NOD2: variants seen among roughly 807,000 people sequenced by gnomAD.
NOD2 encodes nucleotide-binding oligomerization domain-containing protein 2.
NOD2 carries 86 observed loss-of-function variants against 90.9 expected under a neutral mutation model. That is an observed-to-expected ratio of 0.95 (90% CI 0.79 to 1.13). The LOEUF is 1.13. Ranked by LOEUF, NOD2 falls within the 50% of genes most tolerant of loss-of-function variation. The probability of loss-of-function intolerance (pLI) is 0.00; values close to 1 mark genes in which losing one functional copy is unlikely to be tolerated. For missense variants in NOD2, 1,238 were observed against 1,283.8 expected, an observed-to-expected ratio of 0.96 and a Z score of 0.55; for synonymous variants, 581 against 554.6, an observed-to-expected ratio of 1.05 and a Z score of -0.67.
intron 10 of NOD2, chr16:50,727,806 G>A (rs759251250): frequency 1.7e-5 from 6 of 354,134 alleles, no homozygotes; most frequent in Non-Finnish European, 3.4e-5. Context: ...TTGACTTGCC[G>A]AGCATACTTC....
intron 2 of NOD2, among the ~76,000 whole-genome samples, chr16:50,702,349 G>A (rs1367872079): frequency 6.6e-6 from 1 of 152,248 alleles, no homozygotes; most frequent in East Asian, 1.9e-4. Context: ...GGAGACAACA[G>A]ATCTGAGGAG....
intron 1 of NOD2, among the ~76,000 whole-genome samples, chr16:50,698,914 TC>T: frequency 6.6e-6 from 1 of 150,628 alleles, no homozygotes; most frequent in African/African-American, 2.4e-5. Context: ...GGAAGATCTC[TC>T]TCTCTCTCTC....
intron 10 of NOD2, chr16:50,729,115 C>T (rs974074005): frequency 6.5e-6 from 1 of 152,904 alleles, no homozygotes; most frequent in African/African-American, 2.4e-5. Flanking sequence ...GGAAACTCCC[C>T]TTTTTAAAAC....
rs749180535 is a variant in NOD2 at position 50,710,781 on chromosome 16, C to T, written c.789C>T (p.Asp263=). The part of the protein sequence containing the change: ...ELFSTPGHLN[D]DADTVLVVGE... ...TCAGCACCCCTGGCCACCTCAATGA[C>T]GATGCGGACACTGTGCTGGTGGTGG... The change falls in exon 4 of 12, where the codon GAC becomes GAT. Residue 263 remains aspartate, a synonymous_variant. Transcript: ENST00000647318. The T allele has an allele frequency of 4.0e-5, 65 of 1,614,002 alleles. No homozygotes were observed. The highest frequency in any genetic ancestry group is 8.0e-5 in the African/African-American group (6 of 74,916).
At chr16:50,700,670 T>C (rs1160673228) in intron 2 of NOD2, among the ~76,000 whole-genome samples, 1 of 152,252 alleles carries the variant, frequency 6.6e-6, no homozygotes, top group African/African-American at 2.4e-5. Flanking sequence ...GGATAGTGTC[T>C]ATTACCACTG....
At position 50,710,835 on chromosome 16, in the gene NOD2, C is replaced by T; in HGVS notation, c.843C>T (p.Leu281=). 1 of 1,614,084 alleles carries T rather than the reference C, an allele frequency of 6.2e-7. No individual in the cohort carries two copies. The highest frequency in any genetic ancestry group is 1.1e-5 in the South Asian group (1 of 91,086). Reference sequence around the variant, plus strand: ...AGGCGGGCAGTGGCAAGAGCACGCTCCTGCAGCGGCTGCACTTGCTGTGGG... The same window carrying T: ...AGGCGGGCAGTGGCAAGAGCACGCTTCTGCAGCGGCTGCACTTGCTGTGGG... The part of the protein sequence containing the change: ...VGEAGSGKST[L]LQRLHLLWAA... Residue 281 remains leucine, a synonymous_variant, in exon 4 of 12, where the codon CTC becomes CTT. Coordinates refer to ENST00000647318, the MANE Select transcript of NOD2 (RefSeq NM_001370466.1).
rs759649933 is a variant in NOD2 at position 50,716,617 on chromosome 16, C to T, written c.2412C>T (p.Gly804=). The part of the protein sequence containing the change: ...YLRDNNISDR[G]ICKLIECALH... ...GCGATAACAATATCTCAGACCGAGG[C>T]ATCTGCAAGCTCATTGAATGTGCTC... The change falls in exon 5 of 12, where the codon GGC becomes GGT. Residue 804 remains glycine, a synonymous_variant. Transcript: ENST00000647318. 2.5e-6 allele frequency: 4 copies of T among 1,614,172 alleles called. No individual in the cohort carries two copies. In the South Asian group the frequency reaches 3.3e-5, roughly 13 times the overall value.
chr16:50,709,669 C>G (rs1964370202), intron 3 of NOD2, among the ~76,000 whole-genome samples: 1 of 152,096 alleles, frequency 6.6e-6, no homozygotes, highest in African/African-American at 2.4e-5. Context: ...TAGGTCCACC[C>G]AGATCAATCA....
Position 50,711,632 on chromosome 16 carries a change from A to AG in NOD2, c.1642dup (p.Val548GlyfsTer4). On this transcript the variant is annotated frameshift_variant, in exon 4 of 12. Transcript: ENST00000647318. LOFTEE classifies it high-confidence loss of function. ...TCAGCCCAGCAGCTCCAGGCAGCAC[A>AG]GGTCAGCCCTGATGACATTTCTCTT... 6.2e-7 allele frequency: 1 copy of AG among 1,612,506 alleles called. No homozygotes were observed. Among genetic ancestry groups the AG allele is most frequent in the Non-Finnish European group, 8.5e-7 (1 of 1,179,968 alleles).
At chr16:50,723,501 C>G in intron 9 of NOD2, 117 bp downstream of exon 9, 1 of 868,732 alleles carries the variant, frequency 1.2e-6, no homozygotes. Flanking sequence ...GAGTGATTGA[C>G]TGATTGATTG....
At chr16:50,719,691 G>A (rs2150828677) in intron 6 of NOD2, 1 of 657,410 alleles carries the variant, frequency 1.5e-6, no homozygotes, top group South Asian at 1.5e-5. Flanking sequence ...GCCTGGAATT[G>A]TCACACTGCT....
chr16:50,711,938 C>G lies in NOD2; in HGVS notation c.1946C>G (p.Ala649Gly). ...AEPHNLQITAAFLAGLLSREH... is the reference protein window; with the variant it reads ...AEPHNLQITAGFLAGLLSREH... ...CCGCACAACCTTCAGATCACAGCAG[C>G]CTTCCTGGCAGGGCTGTTGTCCCGG... The change falls in exon 4 of 12, where the codon GCC becomes GGC. Residue 649 changes from alanine to glycine, a missense_variant. Transcript: ENST00000647318. 6.2e-7 allele frequency: 1 copy of G among 1,612,024 alleles called. No individual in the cohort carries two copies. Among genetic ancestry groups the G allele is most frequent in the South Asian group, 1.1e-5 (1 of 90,942 alleles).
rs1320987172 is a variant in NOD2 at position 50,709,306 on chromosome 16, C to T, written c.566-1252C>T. 2.0e-5 allele frequency among the ~76,000 whole-genome samples: 3 copies of T among 152,124 alleles called. No individual in the cohort carries two copies. In the East Asian group the frequency reaches 5.8e-4, roughly 29 times the overall value. ...CAGATAGTCATCAGTGAGCTCAGAG[C>T]TCTATGAAAATTACTTGCTAGTTTT... On this transcript the variant is annotated intron_variant, in intron 3 of 11. Coordinates refer to ENST00000647318, the MANE Select transcript of NOD2 (RefSeq NM_001370466.1).
At position 50,729,865 on chromosome 16, in the gene NOD2, A is replaced by G; in HGVS notation, c.2933A>G (p.Gln978Arg). The G allele has an allele frequency of 6.2e-7, 1 of 1,612,998 alleles. No individual in the cohort carries two copies. Among genetic ancestry groups the G allele is most frequent in the Non-Finnish European group, 8.5e-7 (1 of 1,179,166 alleles). Residue 978 changes from glutamine to arginine, a missense_variant, in exon 11 of 12, where the codon CAG becomes CGG. Gln to Arg is a conservative substitution (Grantham distance 43, BLOSUM62 1). This residue lies in a region of NOD2 where 667 missense variants were observed against 688.7 expected (regional missense o/e 0.97). Transcript: ENST00000647318. ...TACCTAGGGGCAGAAGCCCTCCTGCAGGCCCTTGAAAGGAATGACACCATC... is the reference window on the plus strand; with the variant it reads ...TACCTAGGGGCAGAAGCCCTCCTGCGGGCCCTTGAAAGGAATGACACCATC... ...ITYLGAEALL[Q>R]ALERNDTILE... is the part of the protein sequence containing the mutation.
At chr16:50,699,362 G>A in intron 1 of NOD2, 126 bp from the exon 2 acceptor site, 2 of 756,658 alleles carry the variant, frequency 2.6e-6, no homozygotes, top group East Asian at 2.5e-5. Context: ...CTTGGATTGG[G>A]TAATGTCTGA....
At chr16:50,695,307 C>T (rs1272106543) in intron 1 of NOD2, among the ~76,000 whole-genome samples, 9 of 151,936 alleles carry the variant, frequency 5.9e-5, no homozygotes, top group Non-Finnish European at 1.3e-4. Context: ...TTTCAAAGGC[C>T]GTGTCGATAG....
At chr16:50,727,221 C>T (rs992260226) in intron 10 of NOD2, among the ~76,000 whole-genome samples, 1 of 151,654 alleles carries the variant, frequency 6.6e-6, no homozygotes, top group African/African-American at 2.4e-5. Context: ...CTGGGTCTTA[C>T]CCCTGCTCCA....
At chr16:50,702,665 G>A (rs1963994632) in intron 2 of NOD2, among the ~76,000 whole-genome samples, 1 of 152,214 alleles carries the variant, frequency 6.6e-6, no homozygotes, top group South Asian at 2.1e-4. Context: ...TGCTACTATT[G>A]ACTGAGTGAA....
chr16:50,716,916 G>A lies in NOD2; in HGVS notation c.2491G>A (p.Gly831Ser), dbSNP rs760938311. 32 of 1,614,110 alleles carry A rather than the reference G, an allele frequency of 2.0e-5. No individual in the cohort carries two copies. Among genetic ancestry groups the A allele is most frequent in the South Asian group, 1.1e-4 (10 of 91,086 alleles). Residue 831 changes from glycine to serine, a missense_variant, in exon 6 of 12, where the codon GGC (glycine) becomes AGC (serine). Gly to Ser is a moderately conservative substitution (Grantham distance 56, BLOSUM62 0). Coordinates refer to ENST00000647318, the MANE Select transcript of NOD2 (RefSeq NM_001370466.1). ...TCTATTCAACAACAAATTGACTGAC[G>A]GCTGTGCACACTCCATGGCTAAGCT... ...LALFNNKLTD[G>S]CAHSMAKLLA...
Sources: allele counts gnomAD v4.1 joint callset (sites outside exome capture counted in the v4.1 genomes callset), GRCh38; gene constraint gnomAD v4.1.1; regional missense constraint gnomAD v4.1.1; transcripts MANE v1.5; gene names NCBI Gene and HGNC (gene_info 2026-07-23, HGNC 2026-07-21).